Variants in TTC13 observed in about 807,000 individuals in gnomAD.
TTC13 encodes tetratricopeptide repeat domain 13.
In TTC13, 62 loss-of-function variants were observed where a neutral mutation model predicts 120.0. The observed-to-expected ratio is 0.52, with a 90% CI of 0.42 to 0.64. The LOEUF is 0.64. Ranked by LOEUF, TTC13 falls within the 30% of genes least tolerant of loss-of-function variation. The pLI is 0.00. For missense variants in TTC13, 824 were observed against 1,050.2 expected, an observed-to-expected ratio of 0.78 and a Z score of 2.98; for synonymous variants, 384 against 393.5, an observed-to-expected ratio of 0.98 and a Z score of 0.28.
At chr1:230,973,448 C>T (rs1370598825) in intron 1 of TTC13, among the ~76,000 whole-genome samples, 3 of 152,158 alleles carry the variant, frequency 2.0e-5, no homozygotes, top group Non-Finnish European at 2.9e-5. Context: ...ATTCTAAATG[C>T]CTTTTCCCAT....
intron 1 of TTC13, among the ~76,000 whole-genome samples, chr1:230,974,401 G>GA (rs1678058074): frequency 6.6e-6 from 1 of 152,196 alleles, no homozygotes; most frequent in African/African-American, 2.4e-5. Flanking sequence ...GTATGTGTGA[G>GA]AATGGTCCCA....
intron 16 of TTC13, 54 bp downstream of exon 16, chr1:230,921,367 T>C (rs900571404): frequency 9.2e-6 from 10 of 1,082,832 alleles, no homozygotes; most frequent in Non-Finnish European, 1.4e-5. Flanking sequence ...ATATAACAAA[T>C]ATAAAACACA....
intron 3 of TTC13, 91 bp downstream of exon 3, chr1:230,958,133 C>G (rs111482076): frequency 0.027 from 37,097 of 1,358,012 alleles, 1,065 homozygotes; most frequent in African/African-American, 0.14. Context: ...AAGCCAGTCT[C>G]TCTACTCCTT....
In TTC13 at chr1:230,907,028, GA is replaced by G; in HGVS notation, c.2469-10del. 1 of 1,406,868 alleles carries G rather than the reference GA, an allele frequency of 7.1e-7. No homozygotes were observed. The highest frequency in any genetic ancestry group is 9.5e-7 in the Non-Finnish European group (1 of 1,048,360). The allele number at this position is 1,406,868 out of a possible 1,614,324, so 87.1% of individuals were successfully genotyped here. On this transcript the variant is annotated splice_polypyrimidine_tract_variant and intron_variant, in intron 22 of 22. Transcript: ENST00000366661. ...TATAAGAAGGTGAAATACTGAAAAA[GA>G]AAAACACAAAGTAGCGGCATGAAAA... is the stretch of plus-strand genomic sequence containing the variant.
chr1:230,918,052 C>T (rs1350475141), intron 17 of TTC13, among the ~76,000 whole-genome samples: 23 of 152,184 alleles, frequency 1.5e-4, no homozygotes, highest in Non-Finnish European at 2.6e-4. Context: ...GATTGTCACA[C>T]ATAATGTATG....
chr1:230,908,812 G>A, intron 21 of TTC13, 21 bp from the exon 22 acceptor site: 16 of 1,611,196 alleles, frequency 9.9e-6, no homozygotes, highest in Non-Finnish European at 1.4e-5. Context: ...AAGACATTTA[G>A]GAATGTTACT....
intron 4 of TTC13, 136 bp from the exon 5 acceptor site, chr1:230,945,590 G>A (rs1007002935): frequency 9.1e-6 from 7 of 768,070 alleles, no homozygotes; most frequent in East Asian, 2.5e-5. Context: ...AAGTCAATAC[G>A]CAGTCTCCAA....
At position 230,924,884 on chromosome 1, in the gene TTC13, T is replaced by C; in HGVS notation, c.1678A>G (p.Met560Val). The change falls in exon 14 of 23, where the codon ATG becomes GTG. Residue 560 changes from methionine (M) to valine (V), a missense_variant. Met to Val is a conservative substitution (Grantham distance 21). Transcript: ENST00000366661. ...KVRMNGKTRL[M>V]QWRDMFDIAV... Reference sequence around the variant, plus strand: ...ATGTCAAACATGTCTCTCCACTGCATCAACCGTGTCTTCCCATTCATTCGA... The same window carrying C: ...ATGTCAAACATGTCTCTCCACTGCACCAACCGTGTCTTCCCATTCATTCGA... 3 of 1,614,244 alleles carry C rather than the reference T, an allele frequency of 1.9e-6. No individual in the cohort carries two copies. The highest frequency in any genetic ancestry group is 2.5e-6 in the Non-Finnish European group (3 of 1,180,048).
chr1:230,913,676 G>A (rs9432255), intron 18 of TTC13, among the ~76,000 whole-genome samples: 19,582 of 152,188 alleles, frequency 0.13, 1,329 homozygotes, highest in Middle Eastern at 0.16. Context: ...CATGACTCAG[G>A]TCATAATGTA....
intron 1 of TTC13, among the ~76,000 whole-genome samples, chr1:230,971,189 C>CA (rs57390363): frequency 0.72 from 108,123 of 150,926 alleles, 39,084 homozygotes; most frequent in South Asian, 0.82. Context: ...ATTAAAAATA[C>CA]AAAAAAATTA....
rs1221378609 is a variant in TTC13, at chr1:230,978,723, G to A, written c.108C>T (p.Ser36=). 4.7e-6 allele frequency: 7 copies of A among 1,496,438 alleles called. No individual in the cohort carries two copies. The highest frequency in any genetic ancestry group is 1.2e-5 in the South Asian group (1 of 80,170). 92.7% of individuals were successfully genotyped at this position (1,496,438 alleles called of 1,614,324 possible). A position where few individuals can be genotyped will look rare whatever the true frequency, so the allele number is the denominator to read the frequency against. Reference sequence around the variant, plus strand: ...CCAGGGCGCCTGGCCGCAGCCCGGCGGACAGGACCCCCAGCAGCAGCAGCA... The same window carrying A: ...CCAGGGCGCCTGGCCGCAGCCCGGCAGACAGGACCCCCAGCAGCAGCAGCA... ...VLLLLLLGVL[S]AGLRPGALAT... is the part of the protein sequence containing the mutation. The change falls in exon 1 of 23, where the codon TCC becomes TCT. Residue 36 remains serine (S), a synonymous_variant. Coordinates refer to ENST00000366661, the MANE Select transcript of TTC13 (RefSeq NM_024525.5). The surrounding 1 kb of genome is among the most constrained non-coding windows in gnomAD (Gnocchi z 5.6).
intron 1 of TTC13, among the ~76,000 whole-genome samples, chr1:230,971,239 G>A (rs957724691): frequency 5.3e-5 from 8 of 151,298 alleles, no homozygotes; most frequent in South Asian, 2.1e-4. Flanking sequence ...CCAGCTACTC[G>A]GGAGGCTGAG....
rs113359779 is a variant in TTC13, at chr1:230,973,816, G to A, written c.271+4744C>T. On this transcript the variant is annotated intron_variant, in intron 1 of 22. Coordinates refer to ENST00000366661, the MANE Select transcript of TTC13 (RefSeq NM_024525.5). ...AGAGGGGCCGGGCGTGGTGGCTCACGCCTGTAATTCCAGCACTTTGGGACG... is the reference window on the plus strand; with the variant it reads ...AGAGGGGCCGGGCGTGGTGGCTCACACCTGTAATTCCAGCACTTTGGGACG... Among the ~76,000 whole-genome samples, 418 of 152,238 alleles carry A rather than the reference G, an allele frequency of 2.7e-3. 4 individuals are homozygous for A. The highest frequency in any genetic ancestry group is 9.1e-3 in the African/African-American group (376 of 41,534).
At chr1:230,934,410 C>G (rs1350699798) in intron 8 of TTC13, among the ~76,000 whole-genome samples, 2 of 152,098 alleles carry the variant, frequency 1.3e-5, no homozygotes, top group African/African-American at 4.8e-5. Flanking sequence ...CAAAACAAAA[C>G]AAAAACCTTA....
chr1:230,974,691 T>C (rs1317580977), intron 1 of TTC13, among the ~76,000 whole-genome samples: 1 of 152,154 alleles, frequency 6.6e-6, no homozygotes, highest in Non-Finnish European at 1.5e-5. Flanking sequence ...ACTTATTTCT[T>C]CCCTCACCAA....
At chr1:230,921,249 G>C (rs1281072501) in intron 16 of TTC13, among the ~76,000 whole-genome samples, 172 bp downstream of exon 16, 1 of 152,162 alleles carries the variant, frequency 6.6e-6, no homozygotes, top group Non-Finnish European at 1.5e-5. Context: ...TGTGGATTTT[G>C]TATTAAAAAG....
rs1208651789 is a variant in TTC13 at position 230,925,651 on chromosome 1, G to A, written c.1458-4C>T. The A allele has an allele frequency of 9.9e-6, 16 of 1,613,604 alleles. No homozygotes were observed. In the Admixed American group the frequency reaches 1.0e-4, roughly 10 times the overall value. Reference sequence around the variant, plus strand: ...AAAATTCTGATGTAACACATCTCTGGAAGAAACATCATGTACATGATAAGG... The same window carrying A: ...AAAATTCTGATGTAACACATCTCTGAAAGAAACATCATGTACATGATAAGG... On this transcript the variant is annotated splice_polypyrimidine_tract_variant and splice_region_variant and intron_variant, in intron 12 of 22. Coordinates refer to ENST00000366661, the MANE Select transcript of TTC13 (RefSeq NM_024525.5).
At chr1:230,951,943 C>T (rs1236665969) in intron 4 of TTC13, among the ~76,000 whole-genome samples, 1 of 152,122 alleles carries the variant, frequency 6.6e-6, no homozygotes, top group Non-Finnish European at 1.5e-5. Flanking sequence ...CACTGGCTAT[C>T]GAGAATTTGA....
In TTC13 at chr1:230,978,532, A is replaced by T; in HGVS notation, c.271+28T>A. ...CCCCGCTGCCCCGCCGCCCCGGCCGACTCGGACGCCCGCCGCCGCCCACTC... is the reference window on the plus strand; with the variant it reads ...CCCCGCTGCCCCGCCGCCCCGGCCGTCTCGGACGCCCGCCGCCGCCCACTC... On this transcript the variant is annotated intron_variant, in intron 1 of 22. Coordinates refer to ENST00000366661, the MANE Select transcript of TTC13 (RefSeq NM_024525.5). The surrounding 1 kb of genome is among the most constrained non-coding windows in gnomAD (Gnocchi z 5.6). 2 of 766,460 alleles carry T rather than the reference A, an allele frequency of 2.6e-6. No homozygotes were observed. Among genetic ancestry groups the T allele is most frequent in the Non-Finnish European group, 3.6e-6 (2 of 557,236 alleles). The allele number at this position is 766,460 out of a possible 1,614,324, so 47.5% of individuals were successfully genotyped here.
Sources: allele counts gnomAD v4.1 joint callset (sites outside exome capture counted in the v4.1 genomes callset), GRCh38; gene constraint gnomAD v4.1.1; non-coding constraint Gnocchi (gnomAD v3.1); transcripts MANE v1.5; gene names NCBI Gene and HGNC (gene_info 2026-07-23, HGNC 2026-07-21).